PSMD14: variants seen among roughly 807,000 people sequenced by gnomAD.
The protein encoded by PSMD14 is proteasome 26S subunit, non-ATPase 14.
Under a neutral mutation model 41.2 loss-of-function variants are expected in PSMD14, and 7 were observed. The ratio of observed to expected loss-of-function variants is 0.17; its 90% CI spans 0.10 to 0.32. The LOEUF (loss-of-function observed/expected upper bound fraction) is 0.32, where lower values mean the gene tolerates loss of function less well. Ranked by LOEUF, PSMD14 falls within the 10% of genes least tolerant of loss-of-function variation. The pLI is 1.00. For missense variants in PSMD14, 139 were observed against 375.6 expected, an observed-to-expected ratio of 0.37 and a Z score of 5.21; for synonymous variants, 114 against 122.3, an observed-to-expected ratio of 0.93 and a Z score of 0.45.
chr2:161,399,715 A>C (rs924670208), intron 10 of PSMD14, among the ~76,000 whole-genome samples: 1 of 152,158 alleles, frequency 6.6e-6, no homozygotes, highest in Admixed American at 6.5e-5. Flanking sequence ...AAATAGAAAA[A>C]TATTTTTTCC....
At chr2:161,368,894 A>G (rs983154608) in intron 5 of PSMD14, among the ~76,000 whole-genome samples, 1 of 151,998 alleles carries the variant, frequency 6.6e-6, no homozygotes, top group African/African-American at 2.4e-5. Flanking sequence ...ACAGAATGCA[A>G]TATATTTAAA....
At chr2:161,338,681 G>A (rs1391756312) in intron 3 of PSMD14, among the ~76,000 whole-genome samples, 4 of 152,020 alleles carry the variant, frequency 2.6e-5, no homozygotes, top group Admixed American at 6.5e-5. Context: ...TACAGTAAAC[G>A]ATAATATTTA....
intron 10 of PSMD14, among the ~76,000 whole-genome samples, chr2:161,403,712 T>TTCTA (rs1315007595): frequency 6.6e-6 from 1 of 152,030 alleles, no homozygotes; most frequent in African/African-American, 2.4e-5. Context: ...TTTGCAGTTC[T>TTCTA]TCTAACTTAT....
intron 10 of PSMD14, among the ~76,000 whole-genome samples, chr2:161,406,005 A>G (rs1205211161): frequency 1.3e-5 from 2 of 152,136 alleles, no homozygotes; most frequent in Non-Finnish European, 2.9e-5. Context: ...AACAACAACA[A>G]AAACAACAAA....
intron 3 of PSMD14, among the ~76,000 whole-genome samples, chr2:161,362,314 G>A (rs1326640900): frequency 6.6e-6 from 1 of 152,212 alleles, no homozygotes; most frequent in East Asian, 1.9e-4. Context: ...ATAAAAGATA[G>A]AGCATATTGT....
At chr2:161,402,230 C>G (rs971245297) in intron 10 of PSMD14, among the ~76,000 whole-genome samples, 4 of 152,138 alleles carry the variant, frequency 2.6e-5, no homozygotes, top group African/African-American at 7.2e-5. Context: ...AATGATCTTT[C>G]TAAAATGCAT....
chr2:161,383,605 TAAA>T (rs1389701511), intron 7 of PSMD14: 2 of 151,620 alleles, frequency 1.3e-5, no homozygotes, highest in South Asian at 2.1e-4. Context: ...GCATTCAGTA[TAAA>T]AAAGTATATA....
intron 7 of PSMD14, chr2:161,382,867 C>A (rs1683586312): frequency 6.6e-6 from 1 of 151,648 alleles, no homozygotes. Context: ...ATTATTTCCC[C>A]TACCAACCCA....
intron 3 of PSMD14, among the ~76,000 whole-genome samples, chr2:161,323,049 G>A (rs914427345): frequency 6.6e-6 from 1 of 152,070 alleles, no homozygotes; most frequent in African/African-American, 2.4e-5. Flanking sequence ...ACTGCATACT[G>A]CCATTAAACC....
intron 3 of PSMD14, among the ~76,000 whole-genome samples, chr2:161,359,042 C>A (rs1683251002): frequency 6.6e-6 from 1 of 152,130 alleles, no homozygotes; most frequent in African/African-American, 2.4e-5. Context: ...AATCACAGCT[C>A]ACTACAGCCC....
At chr2:161,376,135 A>G (rs1683499920) in intron 7 of PSMD14, among the ~76,000 whole-genome samples, 1 of 149,960 alleles carries the variant, frequency 6.7e-6, no homozygotes, top group African/African-American at 2.4e-5. Context: ...TCTCTCATAT[A>G]GAGAGAGAGG....
chr2:161,327,587 A>AC (rs1215175098), intron 3 of PSMD14, among the ~76,000 whole-genome samples: 1 of 152,098 alleles, frequency 6.6e-6, no homozygotes, highest in African/African-American at 2.4e-5. Flanking sequence ...GGAAAGCACA[A>AC]CTCAAAAGAT....
At chr2:161,324,700 C>A (rs1682668567) in intron 3 of PSMD14, among the ~76,000 whole-genome samples, 1 of 135,306 alleles carries the variant, frequency 7.4e-6, no homozygotes, top group Non-Finnish European at 1.6e-5. Context: ...GTAATTTGAT[C>A]TGTGTTTTTG....
At chr2:161,331,992 A>G (rs546630560) in intron 3 of PSMD14, among the ~76,000 whole-genome samples, 78 of 152,328 alleles carry the variant, frequency 5.1e-4, no homozygotes, top group African/African-American at 1.7e-3. Context: ...ATTTATATCA[A>G]CATTTCTTTA....
chr2:161,312,392 C>T (rs1237733676), intron 1 of PSMD14, among the ~76,000 whole-genome samples: 2 of 152,164 alleles, frequency 1.3e-5, no homozygotes, highest in African/African-American at 4.8e-5. Context: ...GATCTGCCCC[C>T]CTCGGCCTCC....
At chr2:161,334,147 A>T (rs1243795824) in intron 3 of PSMD14, among the ~76,000 whole-genome samples, 2 of 152,186 alleles carry the variant, frequency 1.3e-5, no homozygotes, top group East Asian at 3.8e-4. Context: ...AGCTTGACCA[A>T]CATGGAGAAA....
intron 3 of PSMD14, among the ~76,000 whole-genome samples, chr2:161,320,765 G>T (rs140767697): frequency 6.6e-6 from 1 of 151,430 alleles, no homozygotes; most frequent in Non-Finnish European, 1.5e-5. Flanking sequence ...TCACTCTGTC[G>T]CCCAGGCTGG....
chr2:161,348,906 A>G (rs947667414), intron 3 of PSMD14, among the ~76,000 whole-genome samples: 1 of 152,124 alleles, frequency 6.6e-6, no homozygotes, highest in Non-Finnish European at 1.5e-5. Context: ...AATAAAGTAA[A>G]TAACAGTGGT....
intron 7 of PSMD14, chr2:161,382,745 A>C (rs762567994): frequency 3.3e-5 from 5 of 151,718 alleles, no homozygotes; most frequent in Non-Finnish European, 7.4e-5. Context: ...TTTTGTGTAA[A>C]GTTTTTTGGT....
Sources: allele counts gnomAD v4.1 joint callset (sites outside exome capture counted in the v4.1 genomes callset), GRCh38; gene constraint gnomAD v4.1.1; transcripts MANE v1.5; gene names NCBI Gene and HGNC (gene_info 2026-07-23, HGNC 2026-07-21).